NLGN1: variants seen among roughly 807,000 people sequenced by gnomAD.
NLGN1 encodes neuroligin 1, also known as neuroligin-1.
NLGN1 carries 12 observed loss-of-function variants against 65.5 expected under a neutral mutation model. That is an observed-to-expected ratio of 0.18 (90% confidence interval 0.12 to 0.30). The LOEUF (loss-of-function observed/expected upper bound fraction) is 0.30. NLGN1 is among the 10% of genes least tolerant of loss of function. The pLI is 1.00. For synonymous variants in NLGN1, 350 were observed against 359.5 expected, an observed-to-expected ratio of 0.97 and a Z score of 0.30; for missense variants, 750 against 1,007.1, an observed-to-expected ratio of 0.74 and a Z score of 3.46.
At chr3:173,990,827 G>A (rs1046564061) in intron 4 of NLGN1, among the ~76,000 whole-genome samples, 1 of 151,920 alleles carries the variant, frequency 6.6e-6, no homozygotes, top group Non-Finnish European at 1.5e-5. Context: ...ATTGTAATGG[G>A]TATTAGAATA....
intron 4 of NLGN1, among the ~76,000 whole-genome samples, chr3:174,087,266 G>C (rs560604998): frequency 6.6e-6 from 1 of 152,056 alleles, no homozygotes; most frequent in East Asian, 1.9e-4. Flanking sequence ...AGGTACCTTT[G>C]AACCTAAAAT....
At chr3:174,203,875 G>A (rs1370280858) in intron 4 of NLGN1, among the ~76,000 whole-genome samples, 2 of 152,180 alleles carry the variant, frequency 1.3e-5, no homozygotes, top group East Asian at 3.9e-4. Flanking sequence ...TAGCAACACA[G>A]ACACAAAACA....
At chr3:173,962,460 A>G (rs1276864411) in intron 4 of NLGN1, among the ~76,000 whole-genome samples, 2 of 152,124 alleles carry the variant, frequency 1.3e-5, no homozygotes, top group Non-Finnish European at 2.9e-5. Flanking sequence ...TAGATACTCT[A>G]CCATGGACTG....
At chr3:174,162,577 A>G (rs1372559949) in intron 4 of NLGN1, among the ~76,000 whole-genome samples, 1 of 151,962 alleles carries the variant, frequency 6.6e-6, no homozygotes, top group Non-Finnish European at 1.5e-5. Flanking sequence ...TCTTGAATTT[A>G]ATCAAGATTT....
At chr3:174,082,986 C>T (rs56969593) in intron 4 of NLGN1, among the ~76,000 whole-genome samples, 22,811 of 152,128 alleles carry the variant, frequency 0.15, 2,025 homozygotes, top group African/African-American at 0.24. Context: ...TTCGGCCTCC[C>T]GAAGGGCTGG....
At chr3:174,031,012 G>A (rs528381179) in intron 4 of NLGN1, among the ~76,000 whole-genome samples, 7 of 152,332 alleles carry the variant, frequency 4.6e-5, no homozygotes, top group African/African-American at 1.7e-4. Flanking sequence ...AGAAGGTGAA[G>A]AAATTTAAGG....
intron 4 of NLGN1, among the ~76,000 whole-genome samples, chr3:174,056,239 G>A (rs548715626): frequency 6.6e-5 from 10 of 151,830 alleles, no homozygotes; most frequent in Admixed American, 1.3e-4. Flanking sequence ...ATATTTTGCC[G>A]TGATGTAATG....
chr3:173,944,126 TGTGTGTGTGTG>T lies in NLGN1; in HGVS notation c.646+136295_646+136305del, dbSNP rs1560693296. Reference sequence around the variant, plus strand: ...TTAAATGTCCAGTTAATATTATGGGTGTGTGTGTGTGTGTGTGTGTGTGTGTGTGTGTGTGT... The same window carrying T: ...TTAAATGTCCAGTTAATATTATGGGTTGTGTGTGTGTGTGTGTGTGTGTGT... On this transcript the variant is annotated intron_variant, in intron 4 of 6. Coordinates refer to ENST00000457714, the Ensembl canonical transcript of NLGN1. 3.7e-3 allele frequency among the ~76,000 whole-genome samples: 466 copies of T among 124,520 alleles called. 4 individuals are homozygous for T. The highest frequency in any genetic ancestry group is 5.0e-3 in the East Asian group (16 of 3,188). 81.7% of individuals were successfully genotyped at this position (124,520 alleles called of 152,430 possible).
At chr3:174,190,693 T>C (rs1401048190) in intron 4 of NLGN1, among the ~76,000 whole-genome samples, 1 of 152,148 alleles carries the variant, frequency 6.6e-6, no homozygotes, top group Non-Finnish European at 1.5e-5. Context: ...TCTTTATGTT[T>C]ACATGCAAGT....
At chr3:173,715,203 A>G (rs1269947043) in intron 3 of NLGN1, among the ~76,000 whole-genome samples, 1 of 152,144 alleles carries the variant, frequency 6.6e-6, no homozygotes, top group Non-Finnish European at 1.5e-5. Context: ...TGATTATTTC[A>G]TAGTCTTTTC....
chr3:174,086,971 G>A (rs1391350301), intron 4 of NLGN1, among the ~76,000 whole-genome samples: 1 of 152,066 alleles, frequency 6.6e-6, no homozygotes, highest in Non-Finnish European at 1.5e-5. Flanking sequence ...TCTTTACATA[G>A]ACAAAACGTG....
intron 2 of NLGN1, among the ~76,000 whole-genome samples, chr3:173,593,394 G>A (rs76139148): frequency 0.012 from 1,866 of 152,198 alleles, 37 homozygotes; most frequent in African/African-American, 0.042. Flanking sequence ...TCCTGTTCAC[G>A]TCGTCCTCTC....
chr3:173,722,244 T>C (rs183536360), intron 3 of NLGN1, among the ~76,000 whole-genome samples: 12 of 121,320 alleles, frequency 9.9e-5, no homozygotes, highest in African/African-American at 2.8e-4. Context: ...TCTTCTTCTT[T>C]TTTTTTTTTT....
chr3:173,970,521 G>A (rs892571044), intron 4 of NLGN1, among the ~76,000 whole-genome samples: 7 of 152,050 alleles, frequency 4.6e-5, no homozygotes, highest in Non-Finnish European at 7.4e-5. Context: ...GAAGCCAGAT[G>A]ATGAAGGGCT....
intron 4 of NLGN1, among the ~76,000 whole-genome samples, chr3:174,121,303 C>T (rs1395313579): frequency 6.6e-6 from 1 of 152,196 alleles, no homozygotes; most frequent in Non-Finnish European, 1.5e-5. Flanking sequence ...TCCATAGGTC[C>T]TAAGTGGAAT....
chr3:174,217,810 C>A (rs546149520), intron 4 of NLGN1, among the ~76,000 whole-genome samples: 1 of 151,866 alleles, frequency 6.6e-6, no homozygotes, highest in Admixed American at 6.6e-5. Flanking sequence ...TAAGGCGTAA[C>A]GACAGACAAT....
At chr3:174,242,004 G>A (rs1742962619) in intron 4 of NLGN1, among the ~76,000 whole-genome samples, 1 of 152,124 alleles carries the variant, frequency 6.6e-6, no homozygotes, top group Admixed American at 6.5e-5. Context: ...GAGCACAGTA[G>A]CTCTGTTTCA....
intron 3 of NLGN1, among the ~76,000 whole-genome samples, chr3:173,716,789 G>T (rs566039891): frequency 5.9e-5 from 9 of 152,082 alleles, no homozygotes; most frequent in Non-Finnish European, 1.0e-4. Context: ...TTTTAATTAG[G>T]ATTTTTCCCT....
intron 4 of NLGN1, among the ~76,000 whole-genome samples, chr3:173,970,984 A>G (rs543232234): frequency 1.2e-4 from 19 of 152,266 alleles, no homozygotes; most frequent in Admixed American, 5.2e-4. Context: ...TGGAAATCCA[A>G]TGGAATCCAT....
Sources: allele counts gnomAD v4.1 joint callset (sites outside exome capture counted in the v4.1 genomes callset), GRCh38; gene constraint gnomAD v4.1.1; transcripts MANE v1.5; gene names NCBI Gene and HGNC (gene_info 2026-07-23, HGNC 2026-07-21).